Variants in RIGI observed in about 807,000 individuals in gnomAD.
The protein encoded by RIGI is antiviral innate immune response receptor RIG-I.
At chr9:32,457,333 A>G in the RIGI span, 1 of 1,614,102 alleles carries the variant, frequency 6.2e-7, no homozygotes, top group Non-Finnish European at 8.5e-7. Flanking sequence ...TCTTTTTTCA[A>G]AACTTGAAAA....
the RIGI span, among the ~76,000 whole-genome samples, chr9:32,491,765 C>A: frequency 2.0e-5 from 3 of 149,732 alleles, no homozygotes; most frequent in Admixed American, 6.7e-5. Flanking sequence ...TCATGTCTTC[C>A]TTTTCTGACT....
At chr9:32,502,056 T>C in the RIGI span, among the ~76,000 whole-genome samples, 3 of 152,322 alleles carry the variant, frequency 2.0e-5, no homozygotes, top group East Asian at 3.9e-4. Flanking sequence ...CAAACACTAA[T>C]CAAATTGAGT....
the RIGI span, chr9:32,457,562 A>G: frequency 4.1e-6 from 3 of 729,028 alleles, no homozygotes; most frequent in South Asian, 2.4e-5. Context: ...ATTGGAGGAA[A>G]AAAAAAAATA....
chr9:32,481,218 T>G, the RIGI span: 1 of 983,566 alleles, frequency 1.0e-6, no homozygotes, highest in African/African-American at 1.7e-5. Flanking sequence ...AAGAACTTTC[T>G]GGAAAGGTTC....
At chr9:32,459,608 A>G in the RIGI span, 11 of 1,157,190 alleles carry the variant, frequency 9.5e-6, no homozygotes, top group Non-Finnish European at 1.3e-5. Flanking sequence ...ACATGCACGC[A>G]CATGTATAAT....
chr9:32,465,598 G>A, the RIGI span, among the ~76,000 whole-genome samples: 2 of 152,108 alleles, frequency 1.3e-5, no homozygotes, highest in Non-Finnish European at 2.9e-5. Flanking sequence ...TTTTACATGA[G>A]GAGATTGATT....
the RIGI span, among the ~76,000 whole-genome samples, chr9:32,479,648 C>G: frequency 1.8e-4 from 27 of 151,854 alleles, no homozygotes; most frequent in Non-Finnish European, 3.1e-4. Context: ...ACCAATCTGG[C>G]CAACATGGCA....
At chr9:32,481,982 AG>A in the RIGI span, among the ~76,000 whole-genome samples, 2 of 152,182 alleles carry the variant, frequency 1.3e-5, no homozygotes, top group Non-Finnish European at 1.5e-5. Flanking sequence ...ACTGGTGAAA[AG>A]GTGGAAGCAG....
chr9:32,500,772 C>T, the RIGI span: 8 of 1,600,824 alleles, frequency 5.0e-6, no homozygotes, highest in Admixed American at 1.4e-4. Context: ...AAAGTAATAT[C>T]CTCTGATTTG....
the RIGI span, among the ~76,000 whole-genome samples, chr9:32,505,074 T>C: frequency 6.9e-6 from 1 of 144,578 alleles, no homozygotes; most frequent in South Asian, 2.1e-4. Flanking sequence ...ATATATTTTA[T>C]ATATTAAATA....
At chr9:32,502,340 T>A in the RIGI span, among the ~76,000 whole-genome samples, 5 of 152,228 alleles carry the variant, frequency 3.3e-5, no homozygotes, top group African/African-American at 1.2e-4. Context: ...TATGTGACGA[T>A]GTATATATTC....
At chr9:32,480,224 A>C in the RIGI span, 156 of 1,595,016 alleles carry the variant, frequency 9.8e-5, no homozygotes, top group Non-Finnish European at 1.3e-4. Flanking sequence ...CTCACCTTCA[A>C]ATCTCTGAGT....
At chr9:32,466,764 T>C in the RIGI span, among the ~76,000 whole-genome samples, 1 of 141,176 alleles carries the variant, frequency 7.1e-6, no homozygotes, top group Admixed American at 7.2e-5. Context: ...GTGGAAAAAC[T>C]AGGAGCCCAC....
the RIGI span, among the ~76,000 whole-genome samples, chr9:32,504,534 C>T: frequency 2.6e-5 from 4 of 151,450 alleles, no homozygotes; most frequent in East Asian, 1.9e-4. Context: ...AAAAATTAGC[C>T]GGGCATGGTG....
the RIGI span, chr9:32,491,566 G>A: frequency 1.6e-6 from 1 of 619,214 alleles, no homozygotes; most frequent in South Asian, 2.3e-5. Context: ...TTTTAAAACA[G>A]TTGAAAGAAT....
the RIGI span, among the ~76,000 whole-genome samples, chr9:32,499,310 T>C: frequency 2.1e-5 from 2 of 96,104 alleles, no homozygotes; most frequent in Non-Finnish European, 4.7e-5. Flanking sequence ...CCAGAGTTTG[T>C]GATTTGTTTT....
the RIGI span, among the ~76,000 whole-genome samples, chr9:32,476,267 G>A: frequency 2.6e-5 from 4 of 152,180 alleles, no homozygotes; most frequent in Non-Finnish European, 5.9e-5. Flanking sequence ...AGGGCAAGGT[G>A]GGAGGATTAT....
the RIGI span, among the ~76,000 whole-genome samples, chr9:32,469,778 C>T: frequency 6.6e-6 from 1 of 152,154 alleles, no homozygotes; most frequent in Non-Finnish European, 1.5e-5. Context: ...ATGGCGGACA[C>T]CCAAAATGGT....
chr9:32,494,545 ACAGAT>A, the RIGI span, among the ~76,000 whole-genome samples: 2 of 152,214 alleles, frequency 1.3e-5, no homozygotes, highest in Admixed American at 6.5e-5. Flanking sequence ...GTAGTAAAAA[ACAGAT>A]AAAACATTTA....
Sources: gnomAD v4.1 joint callset for allele counts (sites outside exome capture counted in the v4.1 genomes callset) on GRCh38, gnomAD v4.1.1 for gene constraint, MANE v1.5 for transcripts, NCBI Gene and HGNC (gene_info 2026-07-23, HGNC 2026-07-21) for gene names.